EXOC2: variants seen among roughly 807,000 people sequenced by gnomAD.
The protein encoded by EXOC2 is exocyst complex component 2, also known as SEC5-like 1.
Under a neutral mutation model 131.8 loss-of-function variants are expected in EXOC2, and 70 were observed. The ratio of observed to expected loss-of-function variants is 0.53; its 90% CI spans 0.44 to 0.65. The LOEUF is 0.65. EXOC2 is among the 30% of genes least tolerant of loss of function. The pLI is 0.00. For synonymous variants in EXOC2, 411 were observed against 398.4 expected (o/e 1.03, Z -0.38); for missense variants, 923 against 1,108.6 (o/e 0.83, Z 2.38).
intron 22 of EXOC2, among the ~76,000 whole-genome samples, chr6:540,948 C>T (rs1766777821): frequency 6.6e-6 from 1 of 152,086 alleles, no homozygotes; most frequent in South Asian, 2.1e-4. Flanking sequence ...GATCAAAGTC[C>T]AAACCAAACA....
chr6:532,714 C>A, intron 22 of EXOC2, 104 bp from the exon 23 acceptor site: 1 of 1,126,212 alleles, frequency 8.9e-7, no homozygotes, highest in Non-Finnish European at 1.2e-6. Context: ...AAGCACTTCT[C>A]AATTTTCCTA....
intron 23 of EXOC2, among the ~76,000 whole-genome samples, chr6:526,049 TCTTTA>T (rs1561816284): frequency 6.6e-6 from 1 of 152,256 alleles, no homozygotes; most frequent in African/African-American, 2.4e-5. Context: ...TGTACATAAT[TCTTTA>T]CTTACTTCTG....
rs952148845 is a variant in EXOC2 at position 532,516 on chromosome 6, C to T, written c.2333G>A (p.Gly778Glu). The change falls in exon 23 of 28, where the codon GGA becomes GAA. Residue 778 changes from glycine (G) to glutamate (E), a missense_variant. Physicochemically the swap from Gly to Glu is moderately conservative, Grantham distance 98. Transcript: ENST00000230449. Reference sequence around the variant, plus strand: ...CCAATCAAAATATCCTGCATAAATTCCAGGTTCTAAGGAGCCAACGATGGG... The same window carrying T: ...CCAATCAAAATATCCTGCATAAATTTCAGGTTCTAAGGAGCCAACGATGGG... Reference protein sequence around the residue: ...ADPIVGSLEPGIYAGYFDWKD... With the variant: ...ADPIVGSLEPEIYAGYFDWKD... The T allele has an allele frequency of 9.3e-6, 15 of 1,606,962 alleles. No individual in the cohort carries two copies. Among genetic ancestry groups the T allele is most frequent in the African/African-American group, 1.3e-5 (1 of 74,526 alleles).
intron 1 of EXOC2, among the ~76,000 whole-genome samples, chr6:638,713 A>G (rs952581707): frequency 1.3e-5 from 2 of 152,152 alleles, no homozygotes; most frequent in Non-Finnish European, 2.9e-5. Flanking sequence ...CGGGCGGATC[A>G]CGAGTCAGGA....
intron 11 of EXOC2, among the ~76,000 whole-genome samples, chr6:587,416 T>C (rs999617043): frequency 3.9e-5 from 6 of 152,154 alleles, no homozygotes; most frequent in Admixed American, 2.6e-4. Context: ...GGCTAATTTT[T>C]TGTATTTTTA....
chr6:662,776 C>T (rs1389528215), intron 1 of EXOC2, among the ~76,000 whole-genome samples: 2 of 152,056 alleles, frequency 1.3e-5, no homozygotes, highest in African/African-American at 4.8e-5. Context: ...CAAACCCAAA[C>T]CCAAACCCAG....
At chr6:610,596 G>T (rs1290051291) in intron 6 of EXOC2, among the ~76,000 whole-genome samples, 1 of 152,160 alleles carries the variant, frequency 6.6e-6, no homozygotes, top group East Asian at 1.9e-4. Context: ...GTTCAGATTT[G>T]GGATGTTCAA....
chr6:550,093 AGGC>A (rs1355781875), intron 21 of EXOC2, among the ~76,000 whole-genome samples: 1 of 152,258 alleles, frequency 6.6e-6, no homozygotes, highest in Non-Finnish European at 1.5e-5. Flanking sequence ...CGGTTCACCG[AGGC>A]ACCCAACCTG....
chr6:546,602 G>C (rs1447196711), intron 22 of EXOC2, among the ~76,000 whole-genome samples: 2 of 152,128 alleles, frequency 1.3e-5, no homozygotes, highest in Non-Finnish European at 2.9e-5. Flanking sequence ...CCCTCCTCTT[G>C]CTCTTCCTCA....
At chr6:648,909 T>A (rs1340159780) in intron 1 of EXOC2, among the ~76,000 whole-genome samples, 1 of 151,642 alleles carries the variant, frequency 6.6e-6, no homozygotes, top group African/African-American at 2.4e-5. Context: ...ATTTTTTTTT[T>A]AATAGAGACA....
intron 6 of EXOC2, among the ~76,000 whole-genome samples, chr6:611,586 G>A (rs1458823207): frequency 6.6e-6 from 1 of 152,202 alleles, no homozygotes; most frequent in Non-Finnish European, 1.5e-5. Flanking sequence ...CACCACAGCA[G>A]AGCCACTGCC....
Position 619,505 on chromosome 6 carries a change from TGGAA to T in EXOC2, c.457_460del (p.Phe153MetfsTer3), listed in dbSNP as rs1761177710. The T allele has an allele frequency of 1.9e-5, 30 of 1,613,960 alleles. No individual in the cohort carries two copies. Among genetic ancestry groups the T allele is most frequent in the Non-Finnish European group, 3.4e-6 (4 of 1,179,990 alleles). On this transcript the variant is annotated frameshift_variant, in exon 5 of 28. Transcript: ENST00000230449. LOFTEE classifies it high-confidence loss of function. ...ACTTGTAAAATCAGCACTCATTCCA[TGGAA>T]TAGCATTTCTAAGTCCTTCTGCGAA...
At chr6:539,912 C>T (rs1441533409) in intron 22 of EXOC2, among the ~76,000 whole-genome samples, 1 of 152,064 alleles carries the variant, frequency 6.6e-6, no homozygotes, top group African/African-American at 2.4e-5. Context: ...TATTACTGAA[C>T]CACAACTTGT....
chr6:511,377 G>T (rs1764835929), intron 23 of EXOC2, among the ~76,000 whole-genome samples: 1 of 152,020 alleles, frequency 6.6e-6, no homozygotes, highest in African/African-American at 2.4e-5. Context: ...AAACAATTTT[G>T]AGTCATAATA....
At chr6:676,837 G>A (rs1764155630) in intron 1 of EXOC2, among the ~76,000 whole-genome samples, 3 of 99,310 alleles carry the variant, frequency 3.0e-5, no homozygotes, top group East Asian at 4.5e-4. Flanking sequence ...GGTTCCTCTG[G>A]TGACTCTGCG....
At chr6:622,562 A>C (rs1380093944) in intron 4 of EXOC2, among the ~76,000 whole-genome samples, 1 of 152,248 alleles carries the variant, frequency 6.6e-6, no homozygotes, top group African/African-American at 2.4e-5. Flanking sequence ...AAGTAACGCA[A>C]GAAAGTATAA....
chr6:636,988 C>G (rs6905065), intron 2 of EXOC2, among the ~76,000 whole-genome samples: 107,675 of 151,964 alleles, frequency 0.71, 38,784 homozygotes, highest in Middle Eastern at 0.88. Context: ...GAGAAGCACT[C>G]GCAGACCTGA....
At chr6:525,639 TTC>T (rs1420650190) in intron 23 of EXOC2, 6 of 152,218 alleles carry the variant, frequency 3.9e-5, no homozygotes, top group African/African-American at 9.6e-5. Context: ...ATATAGAAAT[TTC>T]TTTTTTTAAA....
intron 11 of EXOC2, among the ~76,000 whole-genome samples, chr6:580,363 G>A (rs915875468): frequency 2.0e-5 from 3 of 151,956 alleles, no homozygotes; most frequent in African/African-American, 4.8e-5. Context: ...TTAACATCCC[G>A]TAACAACATA....
Sources: allele counts gnomAD v4.1 joint callset (sites outside exome capture counted in the v4.1 genomes callset), GRCh38; gene constraint gnomAD v4.1.1; transcripts MANE v1.5; gene names NCBI Gene and HGNC (gene_info 2026-07-23, HGNC 2026-07-21).